Variants in DAPK1 observed in about 807,000 individuals in gnomAD.
The protein encoded by DAPK1 is death-associated protein kinase 1.
Under a neutral mutation model 144.9 loss-of-function variants are expected in DAPK1, and 56 were observed. The observed-to-expected ratio is 0.39, with a 90% confidence interval of 0.31 to 0.48. The LOEUF is 0.48. DAPK1 is among the 20% of genes least tolerant of loss of function. The pLI is 0.95. For synonymous variants in DAPK1, 690 were observed against 749.0 expected (o/e 0.92, Z 1.29); for missense variants, 1,454 against 1,875.4 (o/e 0.78, Z 4.15).
rs186810222 is a variant in DAPK1 at position 87,647,127 on chromosome 9, G to A, written c.1231-178G>A. Among the ~76,000 whole-genome samples the A allele has an allele frequency of 2.6e-5, 4 of 152,364 alleles. No homozygotes were observed. In the East Asian group the frequency reaches 5.8e-4, roughly 22 times the overall value. On this transcript the variant is annotated intron_variant, in intron 13 of 25. Coordinates refer to ENST00000408954, the MANE Select transcript of DAPK1 (RefSeq NM_004938.4). ...GGTGCCCCTAATGCTAGCATCTTGT[G>A]TAACCACGGTACATTTGTCAAAGGT...
At chr9:87,542,673 A>G (rs1266094582) in intron 2 of DAPK1, among the ~76,000 whole-genome samples, 2 of 152,178 alleles carry the variant, frequency 1.3e-5, no homozygotes, top group African/African-American at 4.8e-5. Flanking sequence ...TTCCCATTTT[A>G]AGGATGAAGA....
intron 2 of DAPK1, among the ~76,000 whole-genome samples, chr9:87,571,199 G>A (rs901595915): frequency 6.3e-4 from 96 of 152,068 alleles, no homozygotes; most frequent in African/African-American, 2.3e-3. Flanking sequence ...GGGAACAAAA[G>A]CCATTACCTG....
intron 2 of DAPK1, among the ~76,000 whole-genome samples, chr9:87,533,772 C>T (rs1157590918): frequency 1.3e-5 from 2 of 152,238 alleles, no homozygotes; most frequent in Non-Finnish European, 2.9e-5. Context: ...AAGCGATTCT[C>T]CTGCCTCAGC....
At chr9:87,692,280 T>C (rs1825085809) in intron 21 of DAPK1, among the ~76,000 whole-genome samples, 2 of 151,884 alleles carry the variant, frequency 1.3e-5, no homozygotes, top group African/African-American at 2.4e-5. Context: ...TTATCTGATA[T>C]AAGTACAGCA....
chr9:87,625,634 G>T (rs1239595480), intron 3 of DAPK1, among the ~76,000 whole-genome samples: 2 of 152,186 alleles, frequency 1.3e-5, no homozygotes, highest in East Asian at 1.9e-4. Context: ...GCCATCTGCT[G>T]CTCTGGGCCC....
intron 14 of DAPK1, 91 bp from the exon 15 acceptor site, chr9:87,648,690 C>T: frequency 8.6e-7 from 1 of 1,168,830 alleles, no homozygotes; most frequent in South Asian, 1.3e-5. Flanking sequence ...CAGAGTGGAA[C>T]CAGGCAGGCC....
chr9:87,694,458 G>C (rs976895085), intron 21 of DAPK1, among the ~76,000 whole-genome samples: 1 of 152,172 alleles, frequency 6.6e-6, no homozygotes, highest in Non-Finnish European at 1.5e-5. Context: ...GTGATCCCCA[G>C]CCTCTGGCAA....
intron 2 of DAPK1, among the ~76,000 whole-genome samples, chr9:87,572,469 CAT>C (rs1938852913): frequency 6.6e-6 from 1 of 152,156 alleles, no homozygotes. Context: ...ACCCAGATCT[CAT>C]GTTGAATTGC....
chr9:87,608,657 C>T (rs775959168), intron 3 of DAPK1, among the ~76,000 whole-genome samples: 6 of 152,310 alleles, frequency 3.9e-5, no homozygotes, highest in Non-Finnish European at 8.8e-5. Context: ...CAATTGTAGG[C>T]TTTCTAATAG....
chr9:87,678,757 C>T (rs1160162178), intron 19 of DAPK1, among the ~76,000 whole-genome samples: 1 of 152,080 alleles, frequency 6.6e-6, no homozygotes, highest in African/African-American at 2.4e-5. Flanking sequence ...CTGTGAGGGG[C>T]ATTTTGTTAC....
intron 9 of DAPK1, 57 bp downstream of exon 9, chr9:87,640,904 C>T: frequency 5.2e-6 from 8 of 1,526,730 alleles, no homozygotes; most frequent in Non-Finnish European, 7.3e-6. Context: ...GGTTTGGGCA[C>T]CCTGGTATTC....
intron 14 of DAPK1, among the ~76,000 whole-genome samples, chr9:87,648,168 G>A (rs937083853): frequency 6.6e-6 from 1 of 152,230 alleles, no homozygotes; most frequent in African/African-American, 2.4e-5. Context: ...CTGGAAGGTG[G>A]CAACACTATA....
chr9:87,558,974 G>C (rs1050253207), intron 2 of DAPK1, among the ~76,000 whole-genome samples: 8 of 152,112 alleles, frequency 5.3e-5, no homozygotes, highest in African/African-American at 1.7e-4. Flanking sequence ...TTCCCACTCT[G>C]GGGGAGGGGA....
intron 3 of DAPK1, among the ~76,000 whole-genome samples, chr9:87,609,522 G>A (rs968948727): frequency 2.6e-5 from 4 of 152,104 alleles, no homozygotes; most frequent in African/African-American, 7.2e-5. Flanking sequence ...TGTTTTGGAG[G>A]TTATGTTTTA....
chr9:87,658,875 A>G (rs923641220), intron 18 of DAPK1, among the ~76,000 whole-genome samples: 1 of 152,350 alleles, frequency 6.6e-6, no homozygotes, highest in Middle Eastern at 3.4e-3. Flanking sequence ...CTTTACTGAC[A>G]GAGGGTGATT....
intron 1 of DAPK1, 97 bp from the exon 2 acceptor site, chr9:87,498,873 C>G (rs139845090): frequency 5.7e-6 from 3 of 523,032 alleles, no homozygotes; most frequent in Admixed American, 3.0e-5. Flanking sequence ...TCCGGAGACC[C>G]GGTCTTCAGC....
intron 2 of DAPK1, among the ~76,000 whole-genome samples, chr9:87,532,359 G>C (rs1363028185): frequency 1.3e-5 from 2 of 152,154 alleles, no homozygotes; most frequent in Non-Finnish European, 2.9e-5. Context: ...ATGCCCATTT[G>C]TTTGGTCTCT....
At chr9:87,639,257 G>T in intron 4 of DAPK1, 97 bp from the exon 5 acceptor site, 3 of 1,077,168 alleles carry the variant, frequency 2.8e-6, no homozygotes, top group East Asian at 2.5e-5. Context: ...CCTACTTTTT[G>T]GCCTTTTTTT....
rs752189988 is a variant in DAPK1, at chr9:87,707,113, G to A, written c.4042G>A (p.Gly1348Arg). ...CGTGGCAAAGTACAACACCAGTAAC[G>A]GGGCTCCCAAGGATTTCCTCCCCAG... Reference protein sequence around the residue: ...DLVAKYNTSNGAPKDFLPSPL... With the variant: ...DLVAKYNTSNRAPKDFLPSPL... The change falls in exon 26 of 26, where the codon GGG becomes AGG. Residue 1348 changes from glycine to arginine, a missense_variant. Transcript: ENST00000408954. This position sits in a 1 kb window ranked among gnomAD's most constrained non-coding sequence, Gnocchi z 4.0. The A allele has an allele frequency of 4.9e-5, 79 of 1,613,814 alleles. No individual in the cohort carries two copies. The East Asian group carries it at 1.3e-3, about 27-fold the overall frequency.
Sources: allele counts gnomAD v4.1 joint callset (sites outside exome capture counted in the v4.1 genomes callset), GRCh38; gene constraint gnomAD v4.1.1; non-coding constraint Gnocchi (gnomAD v3.1); transcripts MANE v1.5; gene names NCBI Gene and HGNC (gene_info 2026-07-23, HGNC 2026-07-21).